Variants in GFRA2 observed in about 807,000 individuals in gnomAD.
GFRA2 encodes GDNF family receptor alpha 2, also known as GDNF family receptor alpha-2.
In GFRA2, 17 loss-of-function variants were observed where a neutral mutation model predicts 48.3. That is an observed-to-expected ratio of 0.35 (90% CI 0.24 to 0.53). The LOEUF (loss-of-function observed/expected upper bound fraction) is 0.53. Among genes scored for constraint, GFRA2 ranks in the 20% least tolerant of loss-of-function variants. The probability of loss-of-function intolerance (pLI) is 0.93; values close to 1 mark genes in which losing one functional copy is unlikely to be tolerated. For missense variants in GFRA2, 660 were observed against 637.3 expected, an observed-to-expected ratio of 1.04 and a Z score of -0.38; for synonymous variants, 305 against 257.2, an observed-to-expected ratio of 1.19 and a Z score of -1.78.
intron 2 of GFRA2, among the ~76,000 whole-genome samples, chr8:21,804,802 C>G (rs1807830449): frequency 6.6e-6 from 1 of 152,078 alleles, no homozygotes; most frequent in Admixed American, 6.5e-5. Context: ...CATAAGCTCT[C>G]CCGACCCTCT....
intron 1 of GFRA2, among the ~76,000 whole-genome samples, chr8:21,805,301 G>A (rs7845192): frequency 0.029 from 4,416 of 152,204 alleles, 180 homozygotes; most frequent in African/African-American, 0.083. Flanking sequence ...TACTCTAGTT[G>A]GTTTGCTGGG....
intron 1 of GFRA2, among the ~76,000 whole-genome samples, chr8:21,809,565 G>T (rs1284724651): frequency 1.3e-5 from 2 of 152,110 alleles, no homozygotes; most frequent in East Asian, 3.9e-4. Flanking sequence ...CTGACCTCGT[G>T]ATCCGCCCGC....
At chr8:21,778,383 G>A (rs1806813260) in intron 2 of GFRA2, among the ~76,000 whole-genome samples, 2 of 152,106 alleles carry the variant, frequency 1.3e-5, no homozygotes, top group African/African-American at 4.8e-5. Flanking sequence ...CCCAGGAGAA[G>A]GTAGAATTCC....
intron 7 of GFRA2, among the ~76,000 whole-genome samples, chr8:21,696,774 G>C (rs892485488): frequency 9.2e-5 from 14 of 151,996 alleles, no homozygotes; most frequent in Non-Finnish European, 1.9e-4. Context: ...ACACTGGCAA[G>C]TATTACACAG....
chr8:21,720,588 C>A (rs555874603), intron 4 of GFRA2, among the ~76,000 whole-genome samples: 1 of 152,308 alleles, frequency 6.6e-6, no homozygotes, highest in South Asian at 2.1e-4. Flanking sequence ...CCCATCTCAT[C>A]TCTCCTCTTT....
At chr8:21,736,066 G>A (rs976785367) in intron 4 of GFRA2, among the ~76,000 whole-genome samples, 5 of 152,222 alleles carry the variant, frequency 3.3e-5, no homozygotes, top group Admixed American at 6.5e-5. Flanking sequence ...GAAGTCCCAC[G>A]TTGGGGATCC....
At chr8:21,754,947 C>G (rs911691854) in intron 3 of GFRA2, among the ~76,000 whole-genome samples, 1 of 151,966 alleles carries the variant, frequency 6.6e-6, no homozygotes, top group East Asian at 1.9e-4. Flanking sequence ...TGAAAGGACA[C>G]GGAGAAAACC....
chr8:21,715,272 G>A (rs941666492), intron 4 of GFRA2, among the ~76,000 whole-genome samples: 1 of 152,192 alleles, frequency 6.6e-6, no homozygotes, highest in African/African-American at 2.4e-5. Flanking sequence ...GGCTGGGGAA[G>A]AGGACTTCCT....
At chr8:21,749,225 C>T (rs1344602029) in intron 4 of GFRA2, among the ~76,000 whole-genome samples, 1 of 151,230 alleles carries the variant, frequency 6.6e-6, no homozygotes, top group African/African-American at 2.4e-5. Flanking sequence ...CACCACCACC[C>T]GCCCCTCCCC....
Position 21,788,823 on chromosome 8 carries a change from C to G in GFRA2, c.-664G>C. ...GTGCGTGTGTCTTTCTCTCTCCTCTCTCTCTCTCTCCTCTCCCTCGCTCGC... is the reference window on the plus strand; with the variant it reads ...GTGCGTGTGTCTTTCTCTCTCCTCTGTCTCTCTCTCCTCTCCCTCGCTCGC... On this transcript the variant is annotated 5_prime_UTR_variant, in exon 1 of 9. Coordinates refer to ENST00000524240, the MANE Select transcript of GFRA2 (RefSeq NM_001495.5). The G allele has an allele frequency of 1.0e-6, 1 of 983,344 alleles. No homozygotes were observed. The highest frequency in any genetic ancestry group is 1.7e-5 in the African/African-American group (1 of 57,300). The allele number at this position is 983,344 out of a possible 1,614,324, so 60.9% of individuals were successfully genotyped here. A position where few individuals can be genotyped will look rare whatever the true frequency, so the allele number is the denominator to read the frequency against.
intron 4 of GFRA2, among the ~76,000 whole-genome samples, chr8:21,725,698 G>A (rs934859220): frequency 6.6e-6 from 1 of 152,190 alleles, no homozygotes; most frequent in African/African-American, 2.4e-5. Context: ...TACAGAGAAG[G>A]AAGCCGAGAC....
intron 7 of GFRA2, 31 bp downstream of exon 7, chr8:21,702,774 C>T (rs188982154): frequency 1.5e-5 from 23 of 1,546,742 alleles, no homozygotes; most frequent in East Asian, 1.3e-4. Context: ...TGCCATGGTG[C>T]TCCCCCCACG....
At chr8:21,809,997 C>T (rs1350235936) in intron 1 of GFRA2, among the ~76,000 whole-genome samples, 1 of 152,184 alleles carries the variant, frequency 6.6e-6, no homozygotes, top group Non-Finnish European at 1.5e-5. Context: ...AACTGGAACA[C>T]ATATTTTACC....
At chr8:21,738,686 G>A (rs1028700350) in intron 4 of GFRA2, among the ~76,000 whole-genome samples, 10 of 152,076 alleles carry the variant, frequency 6.6e-5, no homozygotes, top group Non-Finnish European at 2.9e-5. Flanking sequence ...AGAGAGAAGG[G>A]CCTCCTCCTA....
intron 4 of GFRA2, among the ~76,000 whole-genome samples, chr8:21,749,241 A>C (rs1805156751): frequency 6.9e-6 from 1 of 143,952 alleles, no homozygotes; most frequent in Non-Finnish European, 1.6e-5. Flanking sequence ...TCCCCCTGCA[A>C]AAAAAAAAAA....
chr8:21,769,612 C>A (rs1361559480), intron 3 of GFRA2, among the ~76,000 whole-genome samples: 1 of 152,152 alleles, frequency 6.6e-6, no homozygotes, highest in Non-Finnish European at 1.5e-5. Context: ...GTTCACATTC[C>A]AGCCGTGATG....
chr8:21,698,145 G>A (rs187638256), intron 7 of GFRA2, among the ~76,000 whole-genome samples: 36 of 152,296 alleles, frequency 2.4e-4, no homozygotes, highest in African/African-American at 8.2e-4. Flanking sequence ...TGTGGCTCCA[G>A]TCCAAAAGCA....
At chr8:21,759,485 A>AGAAGGAAGGAAGGAAGGAAGGAAG (rs1161834899) in intron 3 of GFRA2, among the ~76,000 whole-genome samples, 18 of 71,798 alleles carry the variant, frequency 2.5e-4, no homozygotes, top group Non-Finnish European at 3.9e-4. Context: ...AAAGAAGGAA[A>AGAAGGAAGGAAGGAAGGAAGGAAG]GAAGGAAGGA....
At chr8:21,775,598 C>T (rs920031787) in intron 2 of GFRA2, among the ~76,000 whole-genome samples, 5 of 152,180 alleles carry the variant, frequency 3.3e-5, no homozygotes, top group East Asian at 3.9e-4. Context: ...CATCACACCA[C>T]GCCAGCTCCG....
Sources: gnomAD v4.1 joint callset for allele counts (sites outside exome capture counted in the v4.1 genomes callset) on GRCh38, gnomAD v4.1.1 for gene constraint, MANE v1.5 for transcripts, NCBI Gene and HGNC (gene_info 2026-07-23, HGNC 2026-07-21) for gene names.